MACROD2: variants seen among roughly 807,000 people sequenced by gnomAD.
MACROD2 encodes ADP-ribose glycohydrolase MACROD2.
MACROD2 carries 36 observed loss-of-function variants against 70.4 expected under a neutral mutation model. The ratio of observed to expected loss-of-function variants is 0.51; its 90% CI spans 0.39 to 0.68. MACROD2 has a LOEUF of 0.68. Ranked by LOEUF, MACROD2 falls within the 30% of genes least tolerant of loss-of-function variation. The pLI is 0.00. For synonymous variants in MACROD2, 172 were observed against 178.8 expected (o/e 0.96, Z 0.30); for missense variants, 496 against 538.4 (o/e 0.92, Z 0.78).
chr20:15,980,287 TA>T (rs2066378366), intron 13 of MACROD2, among the ~76,000 whole-genome samples: 1 of 152,204 alleles, frequency 6.6e-6, no homozygotes, highest in Non-Finnish European at 1.5e-5. Flanking sequence ...GTTTTTTTCT[TA>T]AAACAGGTAC....
chr20:15,317,804 T>C (rs1180267315), intron 6 of MACROD2, among the ~76,000 whole-genome samples: 1 of 151,922 alleles, frequency 6.6e-6, no homozygotes, highest in Non-Finnish European at 1.5e-5. Flanking sequence ...AGTTAACTGG[T>C]TGAAGCCCAA....
At chr20:15,139,402 G>T (rs188098480) in intron 5 of MACROD2, among the ~76,000 whole-genome samples, 4 of 152,218 alleles carry the variant, frequency 2.6e-5, no homozygotes, top group Non-Finnish European at 2.9e-5. Flanking sequence ...TGTCGTAGGG[G>T]AATGTGCATT....
intron 8 of MACROD2, among the ~76,000 whole-genome samples, chr20:15,813,424 G>A (rs549021377): frequency 5.1e-4 from 77 of 152,254 alleles, no homozygotes; most frequent in Admixed American, 3.4e-3. Context: ...ACTCAGGAAA[G>A]TTTTGTTTCT....
Position 14,981,707 on chromosome 20 carries a change from T to G in MACROD2, c.419-248233T>G, listed in dbSNP as rs181993179. 2.5e-3 allele frequency among the ~76,000 whole-genome samples: 374 copies of G among 152,244 alleles called. 2 individuals are homozygous for G. Among genetic ancestry groups the G allele is most frequent in the Non-Finnish European group, 4.6e-3 (312 of 68,008 alleles). On this transcript the variant is annotated intron_variant, in intron 5 of 17. Coordinates refer to ENST00000684519, the MANE Select transcript of MACROD2 (RefSeq NM_001351661.2). ...TCTGCCACCATATGAGATGTGCCTT[T>G]CACCTTCCACCATGATTGTGAGGCC... is the stretch of plus-strand genomic sequence containing the variant.
intron 5 of MACROD2, among the ~76,000 whole-genome samples, chr20:15,200,636 T>A (rs541209154): frequency 2.3e-4 from 35 of 152,338 alleles, no homozygotes; most frequent in African/African-American, 7.9e-4. Flanking sequence ...CTCCGTGTGC[T>A]AGAAAGTTAT....
At chr20:15,346,918 A>G (rs2078172995) in intron 6 of MACROD2, among the ~76,000 whole-genome samples, 1 of 152,206 alleles carries the variant, frequency 6.6e-6, no homozygotes, top group Non-Finnish European at 1.5e-5. Flanking sequence ...TGAAAATTTA[A>G]CATTCAAAGC....
At chr20:14,702,308 C>T (rs887581489) in intron 5 of MACROD2, among the ~76,000 whole-genome samples, 1 of 151,518 alleles carries the variant, frequency 6.6e-6, no homozygotes, top group African/African-American at 2.4e-5. Flanking sequence ...TTATTTCTGA[C>T]AAATTCTTCT....
chr20:15,580,744 ACCAGAGTGATTACC>A (rs889896893), intron 8 of MACROD2, among the ~76,000 whole-genome samples: 1 of 152,230 alleles, frequency 6.6e-6, no homozygotes, highest in African/African-American at 2.4e-5. Flanking sequence ...CCTGGGGAGA[ACCAGAGTGATTACC>A]CCATCACATC....
At chr20:14,134,754 G>C (rs1018143886) in intron 3 of MACROD2, among the ~76,000 whole-genome samples, 3 of 133,474 alleles carry the variant, frequency 2.2e-5, no homozygotes, top group Admixed American at 9.3e-5. Context: ...GCAGTGAGCC[G>C]AGATCGCGCT....
chr20:15,648,684 A>G (rs6110703), intron 8 of MACROD2, among the ~76,000 whole-genome samples: 11,347 of 152,234 alleles, frequency 0.075, 1,446 homozygotes, highest in African/African-American at 0.26. Flanking sequence ...AAATAGATAC[A>G]TAGATGAACA....
intron 3 of MACROD2, among the ~76,000 whole-genome samples, chr20:14,232,775 G>A (rs2081829518): frequency 6.6e-6 from 1 of 152,242 alleles, no homozygotes; most frequent in South Asian, 2.1e-4. Flanking sequence ...CACTGAAGTG[G>A]CACTTTCAGT....
chr20:15,332,370 GT>G (rs1294466773), intron 6 of MACROD2, among the ~76,000 whole-genome samples: 4 of 151,498 alleles, frequency 2.6e-5, no homozygotes, highest in Non-Finnish European at 5.9e-5. Context: ...TAGGAGGAAG[GT>G]TTTTTGCTCT....
chr20:14,541,178 A>C (rs1475348), intron 4 of MACROD2, among the ~76,000 whole-genome samples: 81,870 of 151,986 alleles, frequency 0.54, 22,467 homozygotes, highest in East Asian at 0.65. Context: ...TTCTTTCACT[A>C]TCAATTTGTA....
intron 5 of MACROD2, among the ~76,000 whole-genome samples, chr20:14,823,776 T>G (rs779871009): frequency 7.2e-5 from 11 of 152,134 alleles, no homozygotes; most frequent in East Asian, 1.9e-4. Context: ...TGGTGGCTTT[T>G]TTTGTTTGTT....
Position 15,582,824 on chromosome 20 carries a change from A to G in MACROD2, c.645+82977A>G, listed in dbSNP as rs76745162. Among the ~76,000 whole-genome samples the G allele has an allele frequency of 4.2e-3, 641 of 152,318 alleles. 32 individuals are homozygous for G. In the East Asian group the frequency reaches 0.11, roughly 26 times the overall value. Reference sequence around the variant, plus strand: ...CTTCACCTCTTCACATCCACAGGAGAAATATCTGTTCTGACATTGTCTTTA... The same window carrying G: ...CTTCACCTCTTCACATCCACAGGAGGAATATCTGTTCTGACATTGTCTTTA... On this transcript the variant is annotated intron_variant, in intron 8 of 17. Transcript: ENST00000684519.
intron 6 of MACROD2, among the ~76,000 whole-genome samples, chr20:15,293,984 G>T (rs959314311): frequency 2.0e-5 from 3 of 152,022 alleles, no homozygotes; most frequent in African/African-American, 7.2e-5. Context: ...GCTGGGCGTG[G>T]TGATGGGCAC....
intron 3 of MACROD2, among the ~76,000 whole-genome samples, chr20:14,207,791 T>G (rs1042412432): frequency 6.6e-6 from 1 of 152,188 alleles, no homozygotes. Context: ...GAAGGAGAGA[T>G]AGCCGTGGGT....
intron 6 of MACROD2, among the ~76,000 whole-genome samples, chr20:15,342,608 G>A (rs965986702): frequency 6.6e-6 from 1 of 152,152 alleles, no homozygotes; most frequent in Non-Finnish European, 1.5e-5. Context: ...TTTCTGGTCA[G>A]GGAAGGTCTT....
intron 5 of MACROD2, among the ~76,000 whole-genome samples, chr20:15,206,030 C>T (rs2145936254): frequency 6.6e-6 from 1 of 152,292 alleles, no homozygotes; most frequent in South Asian, 2.1e-4. Context: ...AAACATCTCT[C>T]TGAAAATTAC....
Sources: gnomAD v4.1 joint callset for allele counts (sites outside exome capture counted in the v4.1 genomes callset) on GRCh38, gnomAD v4.1.1 for gene constraint, MANE v1.5 for transcripts, NCBI Gene and HGNC (gene_info 2026-07-23, HGNC 2026-07-21) for gene names.